Variants in MEGF6 observed in about 807,000 individuals in gnomAD.
MEGF6 encodes the protein multiple epidermal growth factor-like domains protein 6.
In MEGF6, 184 loss-of-function variants were observed where a neutral mutation model predicts 207.1. The ratio of observed to expected loss-of-function variants is 0.89; its 90% CI spans 0.79 to 1.00. The LOEUF (loss-of-function observed/expected upper bound fraction) is 1.00, where lower values mean the gene tolerates loss of function less well. MEGF6 is among the 50% of genes least tolerant of loss of function. The pLI, the probability that MEGF6 is intolerant of heterozygous loss-of-function variation, is 0.00. For synonymous variants in MEGF6, 1,038 were observed against 910.0 expected (o/e 1.14, Z -2.53); for missense variants, 2,282 against 2,202.9 (o/e 1.04, Z -0.72).
At chr1:3,613,157 A>T (rs1448261335), upstream of MEGF6, among the ~76,000 whole-genome samples, 1 of 152,152 alleles carries the variant, frequency 6.6e-6, no homozygotes, top group Non-Finnish European at 1.5e-5. Flanking sequence ...TGCTCCAAAC[A>T]CTGCCCTACT....
At chr1:3,620,254 T>C in the MEGF6 span, among the ~76,000 whole-genome samples, 3 of 152,166 alleles carry the variant, frequency 2.0e-5, no homozygotes, top group Non-Finnish European at 4.4e-5. Flanking sequence ...GACATAAAAG[T>C]TTGGAAAATT....
the MEGF6 span, chr1:3,623,251 C>A: frequency 6.6e-6 from 1 of 152,268 alleles, no homozygotes; most frequent in East Asian, 1.9e-4. Flanking sequence ...TCACTGACTA[C>A]AGCTTGCAGC....
intron 18 of MEGF6, 107 bp from the exon 19 acceptor site, chr1:3,501,415 C>G: frequency 7.0e-7 from 1 of 1,426,654 alleles, no homozygotes; most frequent in Non-Finnish European, 9.4e-7. Flanking sequence ...GGTGGAACCA[C>G]TGTTACCATC....
At chr1:3,543,057 C>T (rs1313492295) in intron 4 of MEGF6, among the ~76,000 whole-genome samples, 1 of 152,224 alleles carries the variant, frequency 6.6e-6, no homozygotes, top group Non-Finnish European at 1.5e-5. Flanking sequence ...CACCCAGCCT[C>T]CCCTGGGAGA....
chr1:3,509,233 G>A lies in MEGF6; in HGVS notation c.1370C>T (p.Pro457Leu), dbSNP rs201045349. ...DRRGCSPLEEPMVDLDGELPF... is the reference protein window; with the variant it reads ...DRRGCSPLEELMVDLDGELPF... Reference sequence around the variant, plus strand: ...CAGCTCGCCGTCCAGGTCCACCATCGGCTCCTCCAGGGCTGCCAGGGGCAC... The same window carrying A: ...CAGCTCGCCGTCCAGGTCCACCATCAGCTCCTCCAGGGCTGCCAGGGGCAC... The change falls in exon 12 of 37, where the codon CCG becomes CTG. Residue 457 changes from proline (P) to leucine (L), a missense_variant. Coordinates refer to ENST00000356575, the MANE Select transcript of MEGF6 (RefSeq NM_001409.4). 1.1e-4 allele frequency: 163 copies of A among 1,519,286 alleles called. 2 individuals carry two copies. Among genetic ancestry groups the A allele is most frequent in the African/African-American group, 8.7e-4 (62 of 70,946 alleles). 94.1% of individuals were successfully genotyped at this position (1,519,286 alleles called of 1,614,324 possible). A position where few individuals can be genotyped will look rare whatever the true frequency, so the allele number is the denominator to read the frequency against.
the MEGF6 span, among the ~76,000 whole-genome samples, chr1:3,624,112 G>A: frequency 1.3e-5 from 2 of 152,094 alleles, no homozygotes; most frequent in Non-Finnish European, 2.9e-5. Context: ...CACTCTCCTC[G>A]CCTGTGTGCA....
Position 3,494,490 on chromosome 1 carries a change from G to A in MEGF6, c.4010C>T (p.Pro1337Leu), listed in dbSNP as rs1456602449. 2 of 1,590,056 alleles carry A rather than the reference G, an allele frequency of 1.3e-6. No homozygotes were observed. The highest frequency in any genetic ancestry group is 1.7e-6 in the Non-Finnish European group (2 of 1,172,102). ...TGRHCELACP[P>L]GRYGAACHLE... ...ATGGCAGGCGGCTCCGTAGCGCCCAGGGGGACAGGCTGGGGACAGGGCAGG... is the reference window on the plus strand; with the variant it reads ...ATGGCAGGCGGCTCCGTAGCGCCCAAGGGGACAGGCTGGGGACAGGGCAGG... The change falls in exon 32 of 37, where the codon CCT becomes CTT. Residue 1337 changes from proline to leucine, a missense_variant. By Grantham distance (98) the Pro-to-Leu change is moderately conservative (BLOSUM62 -3). Coordinates refer to ENST00000356575, the MANE Select transcript of MEGF6 (RefSeq NM_001409.4).
At position 3,494,024 on chromosome 1, in the gene MEGF6, G is replaced by A. The variant is rs765642734; in HGVS notation, c.4230C>T (p.Ala1410=). 1.9e-5 allele frequency: 30 copies of A among 1,608,392 alleles called. No individual in the cohort carries two copies. The highest frequency in any genetic ancestry group is 9.4e-5 in the African/African-American group (7 of 74,836). ...DPISGRCLCP[A]GFHGHFCERG... ...TCTCACAGAAGTGGCCGTGGAAGCC[G>A]GCAGGGCAGAGGCATCGGCCACTGA... The change falls in exon 33 of 37, where the codon GCC becomes GCT. Residue 1410 remains alanine (A), a synonymous_variant. Coordinates refer to ENST00000356575, the MANE Select transcript of MEGF6 (RefSeq NM_001409.4).
chr1:3,494,670 C>T lies in MEGF6; in HGVS notation c.3943G>A (p.Ala1315Thr), dbSNP rs759651996. Reference protein sequence around the residue: ...CSCRNGGLCHASNGSCSCGLG... With the variant: ...CSCRNGGLCHTSNGSCSCGLG... ...CCACAGGAGCAGCTGCCGTTGCTGG[C>T]GTGGCACAGGCCCCCATTTCTGCAG... The change falls in exon 31 of 37, where the codon GCC becomes ACC. Residue 1315 changes from alanine to threonine, a missense_variant. Physicochemically the swap from Ala to Thr is moderately conservative, Grantham distance 58 (BLOSUM62 0). Transcript: ENST00000356575. 13 of 1,568,676 alleles carry T rather than the reference C, an allele frequency of 8.3e-6. No homozygotes were observed. The highest frequency in any genetic ancestry group is 7.4e-5 in the Admixed American group (4 of 53,906).
At chr1:3,500,319 T>C (rs954247556) in intron 21 of MEGF6, among the ~76,000 whole-genome samples, 10 of 152,212 alleles carry the variant, frequency 6.6e-5, no homozygotes, top group African/African-American at 2.4e-4. Flanking sequence ...CCCCTCCTGC[T>C]GCGGCTCCAA....
At chr1:3,605,558 T>TCA (rs1644235641) in intron 1 of MEGF6, among the ~76,000 whole-genome samples, 1 of 39,656 alleles carries the variant, frequency 2.5e-5, no homozygotes, top group Non-Finnish European at 5.1e-5. Context: ...TCTCATACAC[T>TCA]CATACACTCA....
At position 3,500,640 on chromosome 1, in the gene MEGF6, G is replaced by A. The variant is rs566860552; in HGVS notation, c.2700C>T (p.Cys900=). Residue 900 remains cysteine, a synonymous_variant, in exon 21 of 37, where the codon TGC becomes TGT. Transcript: ENST00000356575. ...GGCAGGGCCGGGACTCACGCTGCTCGCACCGCGGGCCCACGTAGCCAGCCT... is the reference window on the plus strand; with the variant it reads ...GGCAGGGCCGGGACTCACGCTGCTCACACCGCGGGCCCACGTAGCCAGCCT... The part of the protein sequence containing the change: ...LCEAGYVGPR[C]EQQCPQGHFG... 176 of 1,557,056 alleles carry A rather than the reference G, an allele frequency of 1.1e-4. 2 individuals carry two copies. The South Asian group carries it at 1.7e-3, about 15-fold the overall frequency.
rs1038781464 is a variant in MEGF6 at position 3,489,175 on chromosome 1, A to G, written c.*1353T>C. 6.6e-6 allele frequency among the ~76,000 whole-genome samples: 1 copy of G among 152,058 alleles called. No homozygotes were observed. The highest frequency in any genetic ancestry group is 1.5e-5 in the Non-Finnish European group (1 of 67,994). On this transcript the variant is annotated 3_prime_UTR_variant, in exon 37 of 37. Coordinates refer to ENST00000356575, the MANE Select transcript of MEGF6 (RefSeq NM_001409.4). ...CCCTCCCTTATCACTGTTCTACTTTAAAGTCTCCCCACAGCGGTCCATTCA... is the reference window on the plus strand; with the variant it reads ...CCCTCCCTTATCACTGTTCTACTTTGAAGTCTCCCCACAGCGGTCCATTCA...
chr1:3,558,213 A>C (rs13375075), intron 4 of MEGF6, among the ~76,000 whole-genome samples: 4,722 of 150,644 alleles, frequency 0.031, 255 homozygotes, highest in African/African-American at 0.11. Context: ...TCCTTTCTCC[A>C]CTCTGAGGAC....
chr1:3,579,193 G>A (rs149077976), intron 4 of MEGF6, among the ~76,000 whole-genome samples: 7 of 152,362 alleles, frequency 4.6e-5, no homozygotes, highest in African/African-American at 7.2e-5. Flanking sequence ...GAAGACTCCC[G>A]CTTCCCATGG....
At chr1:3,591,996 C>T (rs1001518604) in intron 3 of MEGF6, among the ~76,000 whole-genome samples, 6 of 152,180 alleles carry the variant, frequency 3.9e-5, no homozygotes, top group African/African-American at 1.2e-4. Flanking sequence ...CATCGGCATC[C>T]GGCCCATCAG....
At chr1:3,581,401 G>GATGTGT (rs1419596044) in intron 3 of MEGF6, among the ~76,000 whole-genome samples, 3 of 152,174 alleles carry the variant, frequency 2.0e-5, no homozygotes, top group Non-Finnish European at 4.4e-5. Context: ...GCAGCCTGAG[G>GATGTGT]ATGTGTCCGA....
intron 4 of MEGF6, among the ~76,000 whole-genome samples, chr1:3,526,901 G>C (rs902383932): frequency 6.6e-6 from 1 of 152,168 alleles, no homozygotes. Flanking sequence ...ACCTTGCCTC[G>C]AGAGGGAAGG....
intron 2 of MEGF6, 102 bp from the exon 3 acceptor site, chr1:3,595,549 C>A: frequency 9.9e-7 from 1 of 1,007,058 alleles, no homozygotes; most frequent in Non-Finnish European, 1.5e-6. Flanking sequence ...AGCCGGGTTC[C>A]CGGCGGCACA....
Sources: gnomAD v4.1 joint callset for allele counts (sites outside exome capture counted in the v4.1 genomes callset) on GRCh38, gnomAD v4.1.1 for gene constraint, MANE v1.5 for transcripts, NCBI Gene and HGNC (gene_info 2026-07-23, HGNC 2026-07-21) for gene names.